Variants in HMCN2 observed in about 807,000 individuals in gnomAD.
HMCN2 encodes hemicentin 2.
A neutral mutation model predicts 377.5 loss-of-function variants in HMCN2; 325 were observed. That is an observed-to-expected ratio of 0.86 (90% CI 0.79 to 0.94). HMCN2 has a LOEUF of 0.94. HMCN2 is among the 40% of genes least tolerant of loss of function. The pLI is 0.00. For missense variants in HMCN2, 4,543 were observed against 4,725.3 expected, an observed-to-expected ratio of 0.96 and a Z score of 1.13; for synonymous variants, 2,007 against 2,046.8, an observed-to-expected ratio of 0.98 and a Z score of 0.53.
At chr9:130,431,310 C>T (rs1001177754) in intron 95 of HMCN2, 57 bp from the exon 96 acceptor site, 2 of 1,510,136 alleles carry the variant, frequency 1.3e-6, no homozygotes, top group East Asian at 2.5e-5. Context: ...GTGTCTGTGG[C>T]TCAGTGCGTC....
chr9:130,348,176 C>G (rs150784791), intron 26 of HMCN2: 1 of 466,498 alleles, frequency 2.1e-6, no homozygotes, highest in Non-Finnish European at 2.8e-6. Context: ...TTGCTCAAGA[C>G]ATTTGTTACA....
chr9:130,313,774 C>CT (rs1215426849), intron 15 of HMCN2, among the ~76,000 whole-genome samples: 16,195 of 81,636 alleles, frequency 0.2, 2,517 homozygotes, highest in East Asian at 0.63. Context: ...TGTGTGTCCT[C>CT]TTTTTTTTTT....
rs1321202223 is a variant in HMCN2, at chr9:130,299,282, G to A, written c.1270G>A (p.Ala424Thr). 3 of 455,818 alleles carry A rather than the reference G, an allele frequency of 6.6e-6. No homozygotes were observed. The highest frequency in any genetic ancestry group is 1.4e-5 in the Non-Finnish European group (3 of 216,546). 28.2% of individuals were successfully genotyped at this position (455,818 alleles called of 1,614,324 possible). ...RVSGVSYSGVAPGAPLVSMAP... is the reference protein window; with the variant it reads ...RVSGVSYSGVTPGAPLVSMAP... ...CTCTGGAGTGTCCTACAGTGGGGTG[G>A]CCCCAGGTGAGTGGTTGGCTCTTTT... The change falls in exon 8 of 98, where the codon GCC becomes ACC. Residue 424 changes from alanine to threonine, a missense_variant. Transcript: ENST00000683500.
chr9:130,396,438 GA>G, intron 73 of HMCN2, 125 bp downstream of exon 73: 1 of 750,604 alleles, frequency 1.3e-6, no homozygotes, highest in African/African-American at 1.9e-5. Context: ...GGGTGTCTCA[GA>G]ACACAAGGAC....
intron 94 of HMCN2, 29 bp downstream of exon 94, chr9:130,429,714 CCGCTG>C: frequency 7.6e-7 from 1 of 1,308,450 alleles, no homozygotes; most frequent in South Asian, 1.5e-5. Context: ...TCTGGCCACA[CCGCTG>C]CAGCTGCCCC....
At chr9:130,399,257 A>C (rs1403089394) in intron 75 of HMCN2, among the ~76,000 whole-genome samples, 5 of 152,028 alleles carry the variant, frequency 3.3e-5, no homozygotes, top group African/African-American at 1.2e-4. Flanking sequence ...TCTCAAAAAA[A>C]AAAAAAAAAA....
At position 130,400,943 on chromosome 9, in the gene HMCN2, A is replaced by G. The variant is rs885532; in HGVS notation, c.11766A>G (p.Pro3922=). The G allele has an allele frequency of 8.8e-3, 11,388 of 1,286,870 alleles. 722 individuals are homozygous for G. In the African/African-American group the frequency reaches 0.14, roughly 16 times the overall value. The allele number at this position is 1,286,870 out of a possible 1,614,324, so 79.7% of individuals were successfully genotyped here. A position where few individuals can be genotyped will look rare whatever the true frequency, so the allele number is the denominator to read the frequency against. ...GGGGGAGTGGCTATCGTGTCTCACC[A>G]TCGGGTAAGTAAGGGTAAGCCACAG... ...GARGSGYRVS[P]SGALEIGQAL... The change falls in exon 77 of 98, where the codon CCA becomes CCG. Residue 3922 remains proline, a synonymous_variant. Transcript: ENST00000683500.
Position 130,391,981 on chromosome 9 carries a change from G to A in HMCN2, c.9999G>A (p.Val3333=), listed in dbSNP as rs1254339267. The change falls in exon 66 of 98, where the codon GTG becomes GTA. Residue 3333 remains valine (V), a synonymous_variant. Transcript: ENST00000683500. ...GAGCAGACGGCTCGGGGACCCTGGT[G>A]AGCAGGCCTGGGGAGCTGGTGACCA... is the stretch of plus-strand genomic sequence containing the variant. The part of the protein sequence containing the change: ...KQGADGSGTL[V]SRPGELVTMV... 2.7e-5 allele frequency: 27 copies of A among 988,208 alleles called. 1 individual carries two copies. Among genetic ancestry groups the A allele is most frequent in the Middle Eastern group, 2.8e-4 (1 of 3,564 alleles). The allele number at this position is 988,208 out of a possible 1,614,324, so 61.2% of individuals were successfully genotyped here.
At position 130,303,180 on chromosome 9, in the gene HMCN2, A is replaced by T. The variant is rs1473170881; in HGVS notation, c.1421+179A>T. Among the ~76,000 whole-genome samples, 1 of 151,668 alleles carries T rather than the reference A, an allele frequency of 6.6e-6. No homozygotes were observed. The highest frequency in any genetic ancestry group is 1.5e-5 in the Non-Finnish European group (1 of 67,910). On this transcript the variant is annotated intron_variant, in intron 9 of 97. Transcript: ENST00000683500. This position sits in a 1 kb window ranked among gnomAD's most constrained non-coding sequence, Gnocchi z 5.2. The stretch of plus-strand genomic sequence containing the variant: ...AGGGATGGAGAGGAGTTTTTCCGAG[A>T]CTCCCACCACTGCTGGGCCATCAGC...
intron 35 of HMCN2, 39 bp downstream of exon 35, chr9:130,358,027 C>G (rs1840143451): frequency 7.8e-7 from 1 of 1,289,082 alleles, no homozygotes; most frequent in Admixed American, 2.4e-5. Context: ...GCCAGCTGGG[C>G]ACAGGTGGAG....
chr9:130,364,951 TGCA>T, intron 41 of HMCN2, 62 bp downstream of exon 41: 4 of 931,058 alleles, frequency 4.3e-6, no homozygotes, highest in Non-Finnish European at 5.1e-6. Context: ...GGGTGGGGCC[TGCA>T]GGTGCCCCAG....
rs1664049903 is a variant in HMCN2 at position 130,375,636 on chromosome 9, C to T, written c.7704C>T (p.Ile2568=). The T allele has an allele frequency of 2.0e-6, 2 of 985,802 alleles. No homozygotes were observed. Among genetic ancestry groups the T allele is most frequent in the Non-Finnish European group, 2.4e-6 (2 of 829,980 alleles). 61.1% of individuals were successfully genotyped at this position (985,802 alleles called of 1,614,324 possible). Residue 2568 remains isoleucine (I), a synonymous_variant, in exon 50 of 98, where the codon ATC becomes ATT. Coordinates refer to ENST00000683500, the MANE Select transcript of HMCN2 (RefSeq NM_001291815.2). ...TGACCGTGACTGTCAACAACCCCAT[C>T]TCTCTGATCTGCGAGGCCCTGGCCT... is the stretch of plus-strand genomic sequence containing the variant. ...EEVTVTVNNP[I]SLICEALAFP... is the part of the protein sequence containing the mutation.
intron 4 of HMCN2, 78 bp from the exon 5 acceptor site, chr9:130,294,777 G>C: frequency 5.6e-6 from 2 of 354,958 alleles, no homozygotes; most frequent in South Asian, 4.3e-5. Context: ...TGGAAAGTTT[G>C]TATGCTGCCT....
rs774628224 is a variant in HMCN2 at position 130,425,748 on chromosome 9, G to A, written c.13703G>A (p.Arg4568His). The A allele has an allele frequency of 1.8e-5, 27 of 1,536,762 alleles. No individual in the cohort carries two copies. Among genetic ancestry groups the A allele is most frequent in the Admixed American group, 7.9e-5 (4 of 50,338 alleles). The change falls in exon 90 of 98, where the codon CGC becomes CAC. Residue 4568 changes from arginine (R) to histidine (H), a missense_variant. Coordinates refer to ENST00000683500, the MANE Select transcript of HMCN2 (RefSeq NM_001291815.2). ...PGQLFVGSTQRFFQGGLPSFL... is the reference protein window; with the variant it reads ...PGQLFVGSTQHFFQGGLPSFL... ...CAGCTGTTCGTGGGCTCCACACAGCGCTTCTTCCAGGGCGGCCTCCCCTCG... is the reference window on the plus strand; with the variant it reads ...CAGCTGTTCGTGGGCTCCACACAGCACTTCTTCCAGGGCGGCCTCCCCTCG...
rs949496463 is a variant in HMCN2 at position 130,338,914 on chromosome 9, C to T, written c.3487+893C>T. Among the ~76,000 whole-genome samples the T allele has an allele frequency of 4.2e-3, 642 of 152,306 alleles. 7 individuals carry two copies. The highest frequency in any genetic ancestry group is 0.015 in the African/African-American group (611 of 41,568). Reference sequence around the variant, plus strand: ...AATTCAAATTTCAGTGTTGGCCAGACGTAGTGGCTCATGCCTGTAATACCA... The same window carrying T: ...AATTCAAATTTCAGTGTTGGCCAGATGTAGTGGCTCATGCCTGTAATACCA... On this transcript the variant is annotated intron_variant, in intron 23 of 97. Transcript: ENST00000683500.
rs966852191 is a variant in HMCN2, at chr9:130,296,738, G to C, written c.956G>C (p.Gly319Ala). 6.4e-6 allele frequency: 3 copies of C among 471,066 alleles called. No homozygotes were observed. The highest frequency in any genetic ancestry group is 2.0e-5 in the African/African-American group (1 of 50,062). The allele number at this position is 471,066 out of a possible 1,614,324, so 29.2% of individuals were successfully genotyped here. A position where few individuals can be genotyped will look rare whatever the true frequency, so the allele number is the denominator to read the frequency against. ...TGVSNIDFRAGFSTQPLLDLN... is the reference protein window; with the variant it reads ...TGVSNIDFRAAFSTQPLLDLN... The stretch of plus-strand genomic sequence containing the variant: ...GTCAGCAACATTGACTTCCGAGCCG[G>C]CTTCTCCACTCAGCCCTTGCTGGAC... The change falls in exon 7 of 98, where the codon GGC (glycine) becomes GCC (alanine). Residue 319 changes from glycine to alanine, a missense_variant. Around this residue, in one of 5 missense-constraint regions of HMCN2, gnomAD observed 547 missense variants for 189.9 expected, o/e 2.88. Transcript: ENST00000683500.
At chr9:130,410,338 C>T (rs1203693224) in intron 84 of HMCN2, among the ~76,000 whole-genome samples, 1 of 152,214 alleles carries the variant, frequency 6.6e-6, no homozygotes, top group African/African-American at 2.4e-5. Context: ...CAACAAGGAC[C>T]GTAGTCACAG....
Position 130,304,525 on chromosome 9 carries a change from G to C in HMCN2, c.1544-205G>C, listed in dbSNP as rs1289103822. 2.0e-5 allele frequency among the ~76,000 whole-genome samples: 3 copies of C among 152,158 alleles called. No homozygotes were observed. The stretch of plus-strand genomic sequence containing the variant: ...CAGCCCCTGGCAGGTGTATAATGGT[G>C]GTGGGAGAAGTGACCTCCCACAGGG... On this transcript the variant is annotated intron_variant, in intron 10 of 97. Transcript: ENST00000683500. The surrounding 1 kb of genome is among the most constrained non-coding windows in gnomAD (Gnocchi z 4.3).
intron 25 of HMCN2, among the ~76,000 whole-genome samples, chr9:130,345,174 ATGG>A (rs1334731149): frequency 8.8e-6 from 1 of 113,600 alleles, no homozygotes; most frequent in African/African-American, 3.5e-5. Flanking sequence ...TGGTGTGTGT[ATGG>A]TGGTGTGTGT....
Sources: gnomAD v4.1 joint callset for allele counts (sites outside exome capture counted in the v4.1 genomes callset) on GRCh38, gnomAD v4.1.1 for gene constraint, gnomAD v4.1.1 regional missense constraint, Gnocchi (gnomAD v3.1) non-coding constraint, MANE v1.5 for transcripts, NCBI Gene and HGNC (gene_info 2026-07-23, HGNC 2026-07-21) for gene names.